The following SLC6A15 variants were observed in gnomAD, a reference collection of about 807,000 sequenced individuals.
The protein encoded by SLC6A15 is solute carrier family 6 member 15.
A neutral mutation model predicts 68.5 loss-of-function variants in SLC6A15; 33 were observed. The ratio of observed to expected loss-of-function variants is 0.48; its 90% CI spans 0.37 to 0.64. The LOEUF is 0.64. SLC6A15 is among the 30% of genes least tolerant of loss of function. The pLI is 0.00. For synonymous variants in SLC6A15, 347 were observed against 301.0 expected (o/e 1.15, Z -1.58); for missense variants, 747 against 874.3 (o/e 0.85, Z 1.84).
At chr12:84,875,659 TA>T in intron 6 of SLC6A15, among the ~76,000 whole-genome samples, 1 of 152 alleles carries the variant, frequency 6.6e-3, no homozygotes, top group South Asian at 0.17. Context: ...CATATATATA[TA>T]TATATATATA....
At chr12:84,893,427 T>C (rs1490293446) in intron 1 of SLC6A15, among the ~76,000 whole-genome samples, 1 of 152,134 alleles carries the variant, frequency 6.6e-6, no homozygotes, top group Non-Finnish European at 1.5e-5. Context: ...TTTTTTTCCT[T>C]TCTTTATTTG....
At chr12:84,866,874 A>C (rs1410624062) in intron 10 of SLC6A15, among the ~76,000 whole-genome samples, 160 bp downstream of exon 10, 1 of 152,214 alleles carries the variant, frequency 6.6e-6, no homozygotes, top group Non-Finnish European at 1.5e-5. Context: ...AATGTAATTT[A>C]CCAAAACTGT....
rs1421892319 is a variant in SLC6A15 at position 84,860,701 on chromosome 12, T to G, written c.*931A>C. On this transcript the variant is annotated 3_prime_UTR_variant, in exon 12 of 12. Transcript: ENST00000266682. Reference sequence around the variant, plus strand: ...GATTAAAATGTAATGCATTACAATTTTAACAATCACTTAAAAATGATTTAT... The same window carrying G: ...GATTAAAATGTAATGCATTACAATTGTAACAATCACTTAAAAATGATTTAT... The G allele has an allele frequency of 6.6e-6, 1 of 152,134 alleles. No homozygotes were observed. Among genetic ancestry groups the G allele is most frequent in the Admixed American group, 6.6e-5 (1 of 15,240 alleles). 9.4% of individuals were successfully genotyped at this position (152,134 alleles called of 1,614,324 possible).
chr12:84,864,605 C>T (rs1433069888), intron 10 of SLC6A15, among the ~76,000 whole-genome samples: 1 of 152,132 alleles, frequency 6.6e-6, no homozygotes, highest in African/African-American at 2.4e-5. Context: ...CAGGCTTGAG[C>T]CACCACACCT....
intron 10 of SLC6A15, among the ~76,000 whole-genome samples, chr12:84,865,422 A>C (rs1232765833): frequency 6.6e-6 from 1 of 152,214 alleles, no homozygotes; most frequent in East Asian, 1.9e-4. Context: ...ACGAGAGTGG[A>C]ATGTTGGTTA....
intron 5 of SLC6A15, among the ~76,000 whole-genome samples, chr12:84,877,697 AC>A (rs1008374472): frequency 6.6e-6 from 1 of 152,104 alleles, no homozygotes; most frequent in African/African-American, 2.4e-5. Flanking sequence ...TTCCCTGACC[AC>A]CCAAAATAAG....
intron 1 of SLC6A15, among the ~76,000 whole-genome samples, chr12:84,905,971 G>A (rs1465557359): frequency 1.3e-5 from 2 of 152,038 alleles, no homozygotes; most frequent in Middle Eastern, 3.4e-3. Context: ...TTATTTTTTG[G>A]TCATTTCAAG....
chr12:84,864,481 G>A (rs1004865276), intron 10 of SLC6A15, among the ~76,000 whole-genome samples: 4 of 151,524 alleles, frequency 2.6e-5, no homozygotes, highest in African/African-American at 4.8e-5. Context: ...CATCACGCCC[G>A]GCTGATTTTT....
At chr12:84,878,558 T>A (rs1215325921) in intron 5 of SLC6A15, among the ~76,000 whole-genome samples, 1 of 152,112 alleles carries the variant, frequency 6.6e-6, no homozygotes, top group Admixed American at 6.5e-5. Flanking sequence ...ATTCTGCTTA[T>A]ATAAAAGTGA....
intron 1 of SLC6A15, among the ~76,000 whole-genome samples, chr12:84,896,141 A>G (rs907719417): frequency 6.6e-6 from 1 of 152,182 alleles, no homozygotes; most frequent in Non-Finnish European, 1.5e-5. Flanking sequence ...GGAACAAGCT[A>G]TCACTCACTG....
At chr12:84,895,784 T>C (rs921087299) in intron 1 of SLC6A15, among the ~76,000 whole-genome samples, 6 of 152,276 alleles carry the variant, frequency 3.9e-5, no homozygotes, top group Middle Eastern at 6.8e-3. Context: ...ATAGCAACAA[T>C]AATTTAGAAG....
At chr12:84,863,331 C>T in intron 11 of SLC6A15, 108 bp downstream of exon 11, 1 of 733,362 alleles carries the variant, frequency 1.4e-6, no homozygotes, top group Non-Finnish European at 2.2e-6. Flanking sequence ...AAAAGCTATG[C>T]CATTCATTAA....
At chr12:84,877,393 G>C (rs1008759728) in intron 5 of SLC6A15, among the ~76,000 whole-genome samples, 1 of 152,048 alleles carries the variant, frequency 6.6e-6, no homozygotes, top group Non-Finnish European at 1.5e-5. Context: ...GCTGCCCCTT[G>C]GTTTATGTCA....
intron 9 of SLC6A15, among the ~76,000 whole-genome samples, chr12:84,868,634 CACCT>C (rs1871161179): frequency 6.6e-6 from 1 of 152,168 alleles, no homozygotes; most frequent in African/African-American, 2.4e-5. Flanking sequence ...GAAGTAAACA[CACCT>C]ACCAAAGAAA....
rs527887888 is a variant in SLC6A15 at position 84,909,650 on chromosome 12, T to G, written c.-189+2873A>C. Among the ~76,000 whole-genome samples, 13 of 152,304 alleles carry G rather than the reference T, an allele frequency of 8.5e-5. No homozygotes were observed. In the East Asian group the frequency reaches 2.5e-3, roughly 29 times the overall value. ...CATTTCAAAATCTACTCTGCACAGC[T>G]GCATAAGAATATACTAATATATCCT... is the stretch of plus-strand genomic sequence containing the variant. On this transcript the variant is annotated intron_variant, in intron 1 of 11. Transcript: ENST00000266682.
chr12:84,906,504 G>A (rs1873161215), intron 1 of SLC6A15, among the ~76,000 whole-genome samples: 1 of 152,162 alleles, frequency 6.6e-6, no homozygotes, highest in South Asian at 2.1e-4. Flanking sequence ...AATGAAGTGG[G>A]AGGAATGATT....
In SLC6A15 at chr12:84,891,934, C is replaced by T. The variant is rs763818768; in HGVS notation, c.187G>A (p.Ala63Thr). Residue 63 changes from alanine to threonine, a missense_variant, in exon 2 of 12, where the codon GCT becomes ACT. Transcript: ENST00000266682. ...EGSEVEDERP[A>T]WNSKLQYILA... ...ATGTATTGTAGTTTACTGTTCCAAG[C>T]TGGTCTTTCATCTTCGACTTCAGAT... 2.5e-6 allele frequency: 4 copies of T among 1,613,908 alleles called. No homozygotes were observed. The highest frequency in any genetic ancestry group is 1.3e-5 in the African/African-American group (1 of 74,894).
chr12:84,863,213 A>T (rs949769666), intron 11 of SLC6A15, among the ~76,000 whole-genome samples: 1 of 152,196 alleles, frequency 6.6e-6, no homozygotes, highest in African/African-American at 2.4e-5. Context: ...TATCTGCTTT[A>T]ATAAGGACAA....
chr12:84,880,887 G>A (rs1184175353), intron 5 of SLC6A15: 2 of 978,078 alleles, frequency 2.0e-6, no homozygotes, highest in African/African-American at 1.8e-5. Flanking sequence ...CATACCTTCA[G>A]AATGTATCAT....
Sources: gnomAD v4.1 joint callset for allele counts (sites outside exome capture counted in the v4.1 genomes callset) on GRCh38, gnomAD v4.1.1 for gene constraint, MANE v1.5 for transcripts, NCBI Gene and HGNC (gene_info 2026-07-23, HGNC 2026-07-21) for gene names.